Variants in KIF21A observed in about 807,000 individuals in gnomAD.
KIF21A encodes kinesin-like protein KIF21A.
KIF21A carries 114 observed loss-of-function variants against 202.9 expected under a neutral mutation model. That is an observed-to-expected ratio of 0.56 (90% CI 0.48 to 0.66). KIF21A has a LOEUF of 0.66. KIF21A is among the 30% of genes least tolerant of loss of function. The pLI is 0.00. For synonymous variants in KIF21A, 667 were observed against 670.8 expected (o/e 0.99, Z 0.09); for missense variants, 1,677 against 1,994.9 (o/e 0.84, Z 3.04).
chr12:39,396,869 G>T (rs1951795538), intron 1 of KIF21A, among the ~76,000 whole-genome samples: 1 of 152,118 alleles, frequency 6.6e-6, no homozygotes, highest in Non-Finnish European at 1.5e-5. Context: ...ACACTGCTCT[G>T]CAATAAAAAG....
chr12:39,328,411 G>A (rs2137995978), intron 24 of KIF21A, among the ~76,000 whole-genome samples: 1 of 152,220 alleles, frequency 6.6e-6, no homozygotes, highest in Non-Finnish European at 1.5e-5. Flanking sequence ...AGATACAAAT[G>A]CCTGGATACA....
At chr12:39,358,847 C>T (rs1326291429) in intron 7 of KIF21A, among the ~76,000 whole-genome samples, 1 of 152,022 alleles carries the variant, frequency 6.6e-6, no homozygotes, top group Non-Finnish European at 1.5e-5. Context: ...TCTTGTGTTT[C>T]GTTATATAAA....
At chr12:39,308,934 C>T (rs1341657637) in intron 33 of KIF21A, among the ~76,000 whole-genome samples, 1 of 152,110 alleles carries the variant, frequency 6.6e-6, no homozygotes, top group Non-Finnish European at 1.5e-5. Context: ...CTTATGCTCC[C>T]TTCTCTCATT....
rs1416156635 is a variant in KIF21A, at chr12:39,333,244, G to C, written c.2455C>G (p.Gln819Glu). The change falls in exon 18 of 38, where the codon CAA becomes GAA. Residue 819 changes from glutamine (Q) to glutamate (E), a missense_variant. Around this residue, in one of 3 missense-constraint regions of KIF21A, gnomAD observed 966 missense variants for 1,180.9 expected, o/e 0.82. Transcript: ENST00000361418. Reference sequence around the variant, plus strand: ...GTTTTGCGACGTAGAACCACTTCTTGGTTTCTTTTTTGGGCTTCCAGAAGT... The same window carrying C: ...GTTTTGCGACGTAGAACCACTTCTTCGTTTCTTTTTTGGGCTTCCAGAAGT... ...LRLLEAQKRN[Q>E]EVVLRRKTEE... 3.1e-6 allele frequency: 5 copies of C among 1,613,382 alleles called. No homozygotes were observed. Among genetic ancestry groups the C allele is most frequent in the Non-Finnish European group, 4.2e-6 (5 of 1,179,524 alleles).
intron 1 of KIF21A, among the ~76,000 whole-genome samples, chr12:39,423,975 C>G (rs1390754411): frequency 4.6e-5 from 5 of 108,282 alleles, no homozygotes; most frequent in Non-Finnish European, 8.7e-5. Flanking sequence ...CAGAGCAAGA[C>G]TCTGTCTCAA....
Position 39,337,102 on chromosome 12 carries a change from T to C in KIF21A, c.2412A>G (p.Lys804=). The C allele has an allele frequency of 6.3e-7, 1 of 1,594,924 alleles. No homozygotes were observed. The highest frequency in any genetic ancestry group is 1.3e-5 in the African/African-American group (1 of 74,660). ...AGAGTTAAAATCCACTTACATCTCT[T>C]TTACGTTGATCCTTTTTCAACTGAG... ...EIAQLKKDQR[K]RDHQLRLLEA... Residue 804 remains lysine (K), a synonymous_variant, in exon 17 of 38, where the codon AAA becomes AAG. Coordinates refer to ENST00000361418, the MANE Select transcript of KIF21A (RefSeq NM_001173464.2).
intron 1 of KIF21A, among the ~76,000 whole-genome samples, chr12:39,379,002 G>T (rs1390276416): frequency 1.3e-5 from 2 of 152,072 alleles, no homozygotes; most frequent in African/African-American, 4.8e-5. Flanking sequence ...CCCTGGTTAT[G>T]ACACAGTCCT....
chr12:39,342,383 C>T (rs945252666), intron 12 of KIF21A, among the ~76,000 whole-genome samples: 4 of 152,088 alleles, frequency 2.6e-5, no homozygotes, highest in South Asian at 2.1e-4. Flanking sequence ...CCCGAAAGCA[C>T]GAGACCTCGA....
chr12:39,399,235 T>C (rs1391864595), intron 1 of KIF21A, among the ~76,000 whole-genome samples: 1 of 152,236 alleles, frequency 6.6e-6, no homozygotes, highest in Admixed American at 6.5e-5. Context: ...ATTTATATTG[T>C]ATTTTGTATT....
intron 11 of KIF21A, among the ~76,000 whole-genome samples, chr12:39,350,607 C>T (rs1304612393): frequency 3.3e-5 from 5 of 151,906 alleles, no homozygotes; most frequent in Non-Finnish European, 7.4e-5. Flanking sequence ...TTTCAATTGC[C>T]CTCCATAAGG....
Position 39,357,479 on chromosome 12 carries a change from A to G in KIF21A, c.1216-42T>C, listed in dbSNP as rs1401491418. 3.3e-6 allele frequency: 5 copies of G among 1,529,754 alleles called. No individual in the cohort carries two copies. In the African/African-American group the frequency reaches 5.5e-5, roughly 17 times the overall value. 94.8% of individuals were successfully genotyped at this position (1,529,754 alleles called of 1,614,324 possible). On this transcript the variant is annotated intron_variant, in intron 8 of 37. Coordinates refer to ENST00000361418, the MANE Select transcript of KIF21A (RefSeq NM_001173464.2). The stretch of plus-strand genomic sequence containing the variant: ...ATGTCCTTGTTGGTTGAGGAGCCTT[A>G]AAAACACAAGAGTTTTGCTTAAGAA...
chr12:39,301,622 G>T lies in KIF21A; in HGVS notation c.4789C>A (p.Pro1597Thr). The T allele has an allele frequency of 6.2e-7, 1 of 1,614,000 alleles. No homozygotes were observed. The highest frequency in any genetic ancestry group is 8.5e-7 in the Non-Finnish European group (1 of 1,179,964). The stretch of plus-strand genomic sequence containing the variant: ...CCTCTGCAGCCACTGAGCAAAACTG[G>T]GTGGTCTGGCACCACTCCCAGGGCA... The part of the protein sequence containing the change: ...VCALGVVPDH[P>T]VLLSGCRGGI... Residue 1597 changes from proline (P) to threonine (T), a missense_variant, in exon 37 of 38, where the codon CCA (proline) becomes ACA (threonine). By Grantham distance (38) the Pro-to-Thr change is conservative. Transcript: ENST00000361418.
At chr12:39,429,291 T>C (rs1400206323) in intron 1 of KIF21A, among the ~76,000 whole-genome samples, 1 of 152,174 alleles carries the variant, frequency 6.6e-6, no homozygotes, top group Non-Finnish European at 1.5e-5. Context: ...TTATTCAAAC[T>C]GCTCTAGGGG....
chr12:39,419,883 C>T (rs371678886), intron 1 of KIF21A, among the ~76,000 whole-genome samples: 10 of 151,946 alleles, frequency 6.6e-5, no homozygotes, highest in East Asian at 3.9e-4. Flanking sequence ...CATCTCCATT[C>T]GGCAGAACTC....
chr12:39,407,766 C>T (rs1235409662), intron 1 of KIF21A, among the ~76,000 whole-genome samples: 1 of 152,030 alleles, frequency 6.6e-6, no homozygotes, highest in Admixed American at 6.6e-5. Flanking sequence ...AGGTGCTATC[C>T]TCATGTTCCT....
intron 22 of KIF21A, 27 bp from the exon 23 acceptor site, chr12:39,330,938 G>C (rs368284924): frequency 5.6e-6 from 9 of 1,611,986 alleles, no homozygotes; most frequent in Non-Finnish European, 5.9e-6. Context: ...AATTATCTTA[G>C]GTCATACGAA....
chr12:39,389,848 T>C (rs1951218586), intron 1 of KIF21A, among the ~76,000 whole-genome samples: 1 of 152,224 alleles, frequency 6.6e-6, no homozygotes, highest in Non-Finnish European at 1.5e-5. Context: ...CATTAATGAC[T>C]ACATATTTTG....
At chr12:39,344,506 C>T (rs563215665) in intron 12 of KIF21A, among the ~76,000 whole-genome samples, 2 of 152,274 alleles carry the variant, frequency 1.3e-5, no homozygotes, top group South Asian at 2.1e-4. Flanking sequence ...AATCAAATCA[C>T]ATTATACTTA....
chr12:39,307,535 C>T (rs1485587284), intron 34 of KIF21A, 30 bp downstream of exon 34: 2 of 1,605,316 alleles, frequency 1.2e-6, no homozygotes, highest in African/African-American at 2.7e-5. Context: ...TTGCCATAGG[C>T]AAGAGGTATG....
Sources: gnomAD v4.1 joint callset for allele counts (sites outside exome capture counted in the v4.1 genomes callset) on GRCh38, gnomAD v4.1.1 for gene constraint, gnomAD v4.1.1 regional missense constraint, MANE v1.5 for transcripts, NCBI Gene and HGNC (gene_info 2026-07-23, HGNC 2026-07-21) for gene names.